Variants in PPARA observed in about 807,000 individuals in gnomAD.
PPARA encodes the protein peroxisome proliferator activated receptor alpha.
Under a neutral mutation model 42.2 loss-of-function variants are expected in PPARA, and 22 were observed. That is an observed-to-expected ratio of 0.52 (90% CI 0.37 to 0.74). The LOEUF is 0.74. Ranked by LOEUF, PPARA falls within the 30% of genes least tolerant of loss-of-function variation. The pLI is 0.00. For missense variants in PPARA, 465 were observed against 608.2 expected, an observed-to-expected ratio of 0.76 and a Z score of 2.48; for synonymous variants, 242 against 239.3, an observed-to-expected ratio of 1.01 and a Z score of -0.10.
chr22:46,231,242 G>A lies in PPARA; in HGVS notation c.712-550G>A, dbSNP rs1171831728. On this transcript the variant is annotated intron_variant, in intron 7 of 8. Coordinates refer to ENST00000407236, the MANE Select transcript of PPARA (RefSeq NM_005036.6). This position sits in a 1 kb window ranked among gnomAD's most constrained non-coding sequence, Gnocchi z 7.7. ...CTAATTTTTTTTTTTTTTTTGAGACGGAGTCTCGCTCTGTCACCCAGGCTG... is the reference window on the plus strand; with the variant it reads ...CTAATTTTTTTTTTTTTTTTGAGACAGAGTCTCGCTCTGTCACCCAGGCTG... Among the ~76,000 whole-genome samples, 15 of 146,922 alleles carry A rather than the reference G, an allele frequency of 1.0e-4. No individual in the cohort carries two copies. Among genetic ancestry groups the A allele is most frequent in the East Asian group, 4.0e-4 (2 of 5,058 alleles).
intron 2 of PPARA, among the ~76,000 whole-genome samples, chr22:46,166,940 G>A (rs1927166500): frequency 6.6e-6 from 1 of 152,064 alleles, no homozygotes; most frequent in African/African-American, 2.4e-5. Flanking sequence ...CTTTGAAAAA[G>A]AACAACACAG....
rs1469835288 is a variant in PPARA at position 46,238,241 on chromosome 22, T to C, written c.*2861T>C. 6.6e-6 allele frequency: 1 copy of C among 152,234 alleles called. No individual in the cohort carries two copies. Among genetic ancestry groups the C allele is most frequent in the Non-Finnish European group, 1.5e-5 (1 of 68,042 alleles). The allele number at this position is 152,234 out of a possible 1,614,324, so 9.4% of individuals were successfully genotyped here. A position where few individuals can be genotyped will look rare whatever the true frequency, so the allele number is the denominator to read the frequency against. On this transcript the variant is annotated 3_prime_UTR_variant, in exon 9 of 9. Coordinates refer to ENST00000407236, the MANE Select transcript of PPARA (RefSeq NM_005036.6). The surrounding 1 kb of genome is among the most constrained non-coding windows in gnomAD (Gnocchi z 8.3). Reference sequence around the variant, plus strand: ...TAGGGAAGGAAATCAGGCATTCCTATTTCTTTAAATAACAAAACCACTAAT... The same window carrying C: ...TAGGGAAGGAAATCAGGCATTCCTACTTCTTTAAATAACAAAACCACTAAT...
intron 5 of PPARA, among the ~76,000 whole-genome samples, chr22:46,215,990 G>A (rs1013768792): frequency 6.6e-6 from 1 of 152,116 alleles, no homozygotes; most frequent in African/African-American, 2.4e-5. Context: ...CCGGTCCCTG[G>A]TGGCAAAAAG....
At chr22:46,169,358 C>G (rs368887059) in intron 2 of PPARA, among the ~76,000 whole-genome samples, 25 of 152,058 alleles carry the variant, frequency 1.6e-4, no homozygotes, top group African/African-American at 5.5e-4. Context: ...CTTCAGCCTC[C>G]GGAGTAGCTG....
intron 2 of PPARA, among the ~76,000 whole-genome samples, chr22:46,168,083 T>C (rs1347836188): frequency 2.0e-5 from 3 of 151,100 alleles, no homozygotes; most frequent in Non-Finnish European, 4.4e-5. Context: ...CCGGGCGCAG[T>C]GGCTCACGCC....
At chr22:46,208,002 T>C (rs1185199760) in intron 4 of PPARA, among the ~76,000 whole-genome samples, 1 of 152,130 alleles carries the variant, frequency 6.6e-6, no homozygotes, top group African/African-American at 2.4e-5. Context: ...CCCCACTGTC[T>C]TCTGGCTTGC....
At position 46,167,439 on chromosome 22, in the gene PPARA, C is replaced by G. The variant is rs4253640; in HGVS notation, c.-126-9314C>G. Among the ~76,000 whole-genome samples the G allele has an allele frequency of 0.034, 5,206 of 151,952 alleles. 308 individuals carry two copies. The highest frequency in any genetic ancestry group is 0.12 in the African/African-American group (4,920 of 41,440). On this transcript the variant is annotated intron_variant, in intron 2 of 8. Coordinates refer to ENST00000407236, the MANE Select transcript of PPARA (RefSeq NM_005036.6). The surrounding 1 kb of genome is among the most constrained non-coding windows in gnomAD (Gnocchi z 4.1). Reference sequence around the variant, plus strand: ...GCCAAGGCGGGTGGATCACTTGGCCCCAGGAGTTACAAGACCATCCTGGGC... The same window carrying G: ...GCCAAGGCGGGTGGATCACTTGGCCGCAGGAGTTACAAGACCATCCTGGGC...
intron 2 of PPARA, among the ~76,000 whole-genome samples, chr22:46,170,181 G>A (rs999279167): frequency 1.2e-4 from 18 of 151,310 alleles, no homozygotes; most frequent in Admixed American, 9.9e-4. Flanking sequence ...ACTGTATACA[G>A]GCTCTTTTTC....
At position 46,200,018 on chromosome 22, in the gene PPARA, C is replaced by A. The variant is rs1045964782; in HGVS notation, c.208+1427C>A. Among the ~76,000 whole-genome samples the A allele has an allele frequency of 6.6e-6, 1 of 152,156 alleles. No homozygotes were observed. The highest frequency in any genetic ancestry group is 1.5e-5 in the Non-Finnish European group (1 of 68,024). On this transcript the variant is annotated intron_variant, in intron 4 of 8. Transcript: ENST00000407236. This position sits in a 1 kb window ranked among gnomAD's most constrained non-coding sequence, Gnocchi z 4.8. ...GATCACAGGCATGAGCCACTGCACC[C>A]GGCCCAATTAAAATCTTTAACACTA...
In PPARA at chr22:46,162,765, T is replaced by C. The variant is rs1490620135; in HGVS notation, c.-127+10795T>C. Among the ~76,000 whole-genome samples, 1 of 152,176 alleles carries C rather than the reference T, an allele frequency of 6.6e-6. No homozygotes were observed. The highest frequency in any genetic ancestry group is 1.5e-5 in the Non-Finnish European group (1 of 68,024). On this transcript the variant is annotated intron_variant, in intron 2 of 8. Transcript: ENST00000407236. The surrounding 1 kb of genome is among the most constrained non-coding windows in gnomAD (Gnocchi z 6.0). ...ACCTCAAGTTTTAAATGCCACCTCC[T>C]TCCTGAAGCCTTCCTTGCTGCTCCC... is the stretch of plus-strand genomic sequence containing the variant.
At chr22:46,151,472 C>T (rs1488736512) in intron 1 of PPARA, among the ~76,000 whole-genome samples, 1 of 152,270 alleles carries the variant, frequency 6.6e-6, no homozygotes, top group Non-Finnish European at 1.5e-5. Context: ...AGGGTCGGCC[C>T]TGCCCCCTCA....
rs1433840780 is a variant in PPARA at position 46,216,485 on chromosome 22, C to G, written c.369+1152C>G. ...GTTACCGTTGATCTCTGGAGCCTCC[C>G]TGAAGGCCAGGTGGGGCAGGTGTTC... On this transcript the variant is annotated intron_variant, in intron 5 of 8. Transcript: ENST00000407236. This position sits in a 1 kb window ranked among gnomAD's most constrained non-coding sequence, Gnocchi z 4.5. Among the ~76,000 whole-genome samples, 2 of 152,200 alleles carry G rather than the reference C, an allele frequency of 1.3e-5. No homozygotes were observed. The highest frequency in any genetic ancestry group is 1.9e-4 in the East Asian group (1 of 5,202).
chr22:46,193,714 T>A lies in PPARA; in HGVS notation c.-42-4628T>A, dbSNP rs2147345246. On this transcript the variant is annotated intron_variant, in intron 3 of 8. Coordinates refer to ENST00000407236, the MANE Select transcript of PPARA (RefSeq NM_005036.6). The surrounding 1 kb of genome is among the most constrained non-coding windows in gnomAD (Gnocchi z 5.3). Reference sequence around the variant, plus strand: ...CAGAACCTCCCATCATTGCTGGGACTGGAACAGAAGCCCTACCTTTTCCCA... The same window carrying A: ...CAGAACCTCCCATCATTGCTGGGACAGGAACAGAAGCCCTACCTTTTCCCA... Among the ~76,000 whole-genome samples, 1 of 152,358 alleles carries A rather than the reference T, an allele frequency of 6.6e-6. No individual in the cohort carries two copies. Among genetic ancestry groups the A allele is most frequent in the South Asian group, 2.1e-4 (1 of 4,826 alleles).
At position 46,183,853 on chromosome 22, in the gene PPARA, A is replaced by G. The variant is rs1930303769; in HGVS notation, c.-43+7017A>G. Among the ~76,000 whole-genome samples the G allele has an allele frequency of 6.6e-6, 1 of 152,222 alleles. No individual in the cohort carries two copies. Among genetic ancestry groups the G allele is most frequent in the African/African-American group, 2.4e-5 (1 of 41,454 alleles). ...ACTGGGAGATGACACACAGTAAACC[A>G]CACAGAGGGTTCTAACGTGGTTGTT... On this transcript the variant is annotated intron_variant, in intron 3 of 8. Coordinates refer to ENST00000407236, the MANE Select transcript of PPARA (RefSeq NM_005036.6). The surrounding 1 kb of genome is among the most constrained non-coding windows in gnomAD (Gnocchi z 5.5).
rs1264902061 is a variant in PPARA at position 46,216,395 on chromosome 22, A to C, written c.369+1062A>C. Among the ~76,000 whole-genome samples, 2 of 151,106 alleles carry C rather than the reference A, an allele frequency of 1.3e-5. No individual in the cohort carries two copies. Among genetic ancestry groups the C allele is most frequent in the Non-Finnish European group, 2.9e-5 (2 of 67,980 alleles). ...TAAAACTTCATCTCAAAAAAAAAAA[A>C]AAGAGAGAAAAGAAAATAAGCCACA... On this transcript the variant is annotated intron_variant, in intron 5 of 8. Transcript: ENST00000407236. The surrounding 1 kb of genome is among the most constrained non-coding windows in gnomAD (Gnocchi z 4.5).
At position 46,162,815 on chromosome 22, in the gene PPARA, C is replaced by T. The variant is rs1192496978; in HGVS notation, c.-127+10845C>T. Among the ~76,000 whole-genome samples, 1 of 152,200 alleles carries T rather than the reference C, an allele frequency of 6.6e-6. No individual in the cohort carries two copies. The highest frequency in any genetic ancestry group is 1.9e-4 in the East Asian group (1 of 5,200). ...CCCAAACTAGAGGCAGGAGTTTTGT[C>T]CTTCAGATAACCTATGGCATTTGAG... On this transcript the variant is annotated intron_variant, in intron 2 of 8. Transcript: ENST00000407236. This position sits in a 1 kb window ranked among gnomAD's most constrained non-coding sequence, Gnocchi z 6.0.
chr22:46,243,572 A>T lies in PPARA; in HGVS notation c.*8192A>T, dbSNP rs1046813380. On this transcript the variant is annotated 3_prime_UTR_variant, in exon 9 of 9. Transcript: ENST00000407236. The surrounding 1 kb of genome is among the most constrained non-coding windows in gnomAD (Gnocchi z 5.0). ...TAAAATAACCTTAATTTTAAAAAAA[A>T]ATCTTGGGTCTTCGTTTTCCTATTA... The T allele has an allele frequency of 4.6e-5, 7 of 152,318 alleles. No homozygotes were observed. The highest frequency in any genetic ancestry group is 1.0e-4 in the Non-Finnish European group (7 of 68,016). 9.4% of individuals were successfully genotyped at this position (152,318 alleles called of 1,614,324 possible). A position where few individuals can be genotyped will look rare whatever the true frequency, so the allele number is the denominator to read the frequency against.
rs760285202 is a variant in PPARA at position 46,235,224 on chromosome 22, G to A, written c.1251G>A (p.Pro417=). 2.1e-5 allele frequency: 34 copies of A among 1,613,938 alleles called. No individual in the cohort carries two copies. The highest frequency in any genetic ancestry group is 1.9e-4 in the South Asian group (17 of 91,080). The part of the protein sequence containing the change: ...VLRLHLQSNH[P]DDIFLFPKLL... ...GACTCCACCTGCAGAGCAACCACCC[G>A]GACGATATCTTTCTCTTCCCAAAAC... The change falls in exon 9 of 9, where the codon CCG becomes CCA. Residue 417 remains proline (P), a synonymous_variant. Transcript: ENST00000407236. This position sits in a 1 kb window ranked among gnomAD's most constrained non-coding sequence, Gnocchi z 7.0.
intron 7 of PPARA, among the ~76,000 whole-genome samples, chr22:46,226,778 CA>C: frequency 6.6e-6 from 1 of 152,142 alleles, no homozygotes; most frequent in African/African-American, 2.4e-5. Context: ...GAGGCCGAGG[CA>C]GGAGGATGGA....
Sources: gnomAD v4.1 joint callset for allele counts (sites outside exome capture counted in the v4.1 genomes callset) on GRCh38, gnomAD v4.1.1 for gene constraint, Gnocchi (gnomAD v3.1) non-coding constraint, MANE v1.5 for transcripts, NCBI Gene and HGNC (gene_info 2026-07-23, HGNC 2026-07-21) for gene names.